The following PTPRN2 variants were observed in gnomAD, a reference collection of about 807,000 sequenced individuals.
The protein encoded by PTPRN2 is receptor-type tyrosine-protein phosphatase N2.
Under a neutral mutation model 118.8 loss-of-function variants are expected in PTPRN2, and 74 were observed. That is an observed-to-expected ratio of 0.62 (90% confidence interval 0.52 to 0.76). PTPRN2 has a LOEUF of 0.76. PTPRN2 is among the 30% of genes least tolerant of loss of function. The probability of loss-of-function intolerance (pLI) is 0.00; values close to 1 mark genes in which losing one functional copy is unlikely to be tolerated. For missense variants in PTPRN2, 1,481 were observed against 1,394.4 expected (o/e 1.06, Z -0.99); for synonymous variants, 641 against 608.0 (o/e 1.05, Z -0.80).
chr7:157,910,365 G>A (rs564563674), intron 11 of PTPRN2, among the ~76,000 whole-genome samples: 3 of 148,500 alleles, frequency 2.0e-5, no homozygotes, highest in South Asian at 4.4e-4. Flanking sequence ...GATCAGGCAC[G>A]TACGCCGGAT....
chr7:157,882,044 C>T (rs1221017036), intron 12 of PTPRN2, among the ~76,000 whole-genome samples: 1 of 146,294 alleles, frequency 6.8e-6, no homozygotes, highest in African/African-American at 2.5e-5. Flanking sequence ...CATACATCAG[C>T]ACATGCCACC....
rs1175867917 is a variant in PTPRN2 at position 157,619,885 on chromosome 7, T to C, written c.2344+1477A>G. Among the ~76,000 whole-genome samples the C allele has an allele frequency of 2.0e-5, 3 of 152,172 alleles. No individual in the cohort carries two copies. Among genetic ancestry groups the C allele is most frequent in the Non-Finnish European group, 2.9e-5 (2 of 68,018 alleles). On this transcript the variant is annotated intron_variant, in intron 15 of 22. Transcript: ENST00000389418. This position sits in a 1 kb window ranked among gnomAD's most constrained non-coding sequence, Gnocchi z 5.3. ...TCTCAGGGACACCAGTCTGATCCCTTGACCGGCTCCGAAGGGTTGAGGCAG... is the reference window on the plus strand; with the variant it reads ...TCTCAGGGACACCAGTCTGATCCCTCGACCGGCTCCGAAGGGTTGAGGCAG...
chr7:157,603,515 G>A lies in PTPRN2; in HGVS notation c.2418+487C>T, dbSNP rs73744808. The stretch of plus-strand genomic sequence containing the variant: ...CCAGGGGGAGGAACAGCCAGCAAAC[G>A]GTCTCTTTCATAAGAAACAGGGTCC... On this transcript the variant is annotated intron_variant, in intron 16 of 22. Transcript: ENST00000389418. The surrounding 1 kb of genome is among the most constrained non-coding windows in gnomAD (Gnocchi z 5.4). Among the ~76,000 whole-genome samples the A allele has an allele frequency of 5.1e-4, 78 of 152,248 alleles. No individual in the cohort carries two copies. The highest frequency in any genetic ancestry group is 1.8e-3 in the African/African-American group (74 of 41,558).
chr7:158,068,673 C>A (rs554982534), intron 11 of PTPRN2, among the ~76,000 whole-genome samples: 1 of 152,208 alleles, frequency 6.6e-6, no homozygotes, highest in Non-Finnish European at 1.5e-5. Context: ...TCTCTCTAAG[C>A]AGGAAGCACC....
At chr7:158,320,617 T>A (rs930850271) in intron 2 of PTPRN2, among the ~76,000 whole-genome samples, 6 of 152,236 alleles carry the variant, frequency 3.9e-5, no homozygotes, top group African/African-American at 1.4e-4. Flanking sequence ...GAGGCGTCCA[T>A]GTTCCAGCGT....
chr7:157,984,827 C>T (rs756776656), intron 11 of PTPRN2, among the ~76,000 whole-genome samples: 1 of 152,198 alleles, frequency 6.6e-6, no homozygotes, highest in Non-Finnish European at 1.5e-5. Flanking sequence ...GAGCCCAATA[C>T]TCACGTCTGC....
intron 2 of PTPRN2, among the ~76,000 whole-genome samples, chr7:158,486,786 A>G (rs181136695): frequency 6.6e-6 from 1 of 152,342 alleles, no homozygotes; most frequent in African/African-American, 2.4e-5. Flanking sequence ...TATACGTCAC[A>G]TTAAAATTTA....
chr7:158,020,792 G>A (rs561798801), intron 11 of PTPRN2, among the ~76,000 whole-genome samples: 90 of 152,156 alleles, frequency 5.9e-4, no homozygotes, highest in Non-Finnish European at 1.2e-3. Flanking sequence ...CACAGGAGTT[G>A]TGTTTTGCTG....
intron 3 of PTPRN2, among the ~76,000 whole-genome samples, chr7:158,279,502 A>C (rs903613182): frequency 6.6e-6 from 1 of 152,152 alleles, no homozygotes; most frequent in African/African-American, 2.4e-5. Flanking sequence ...AGAGAAAAAG[A>C]GGGGAAGCGA....
chr7:157,763,412 G>A lies in PTPRN2; in HGVS notation c.1789-80475C>T, dbSNP rs535080384. Among the ~76,000 whole-genome samples the A allele has an allele frequency of 5.5e-4, 84 of 152,204 alleles. No homozygotes were observed. The highest frequency in any genetic ancestry group is 2.0e-3 in the African/African-American group (83 of 41,552). ...TCACTGTGGCCATGGGGCGGCCTTC[G>A]CTCTGAGGCACAGGTTGGCGGTGGC... is the stretch of plus-strand genomic sequence containing the variant. On this transcript the variant is annotated intron_variant, in intron 12 of 22. Transcript: ENST00000389418. The surrounding 1 kb of genome is among the most constrained non-coding windows in gnomAD (Gnocchi z 4.9).
intron 12 of PTPRN2, among the ~76,000 whole-genome samples, chr7:157,830,573 C>T (rs1245585832): frequency 6.6e-6 from 1 of 152,124 alleles, no homozygotes; most frequent in Non-Finnish European, 1.5e-5. Context: ...AGGGGCTGAC[C>T]GTGCACCCAC....
In PTPRN2 at chr7:157,671,553, A is replaced by T. The variant is rs1345381218; in HGVS notation, c.2001+11172T>A. Among the ~76,000 whole-genome samples, 1 of 152,068 alleles carries T rather than the reference A, an allele frequency of 6.6e-6. No individual in the cohort carries two copies. Among genetic ancestry groups the T allele is most frequent in the African/African-American group, 2.4e-5 (1 of 41,410 alleles). ...GGCGGTGCAACGGAGGGAGCCGGGC[A>T]AACAAAGGCTCAGAAGCAGAGGAGC... On this transcript the variant is annotated intron_variant, in intron 13 of 22. Transcript: ENST00000389418. The surrounding 1 kb of genome is among the most constrained non-coding windows in gnomAD (Gnocchi z 4.1).
intron 2 of PTPRN2, among the ~76,000 whole-genome samples, chr7:158,467,319 A>G (rs1819468377): frequency 1.3e-5 from 2 of 151,672 alleles, no homozygotes; most frequent in African/African-American, 4.9e-5. Flanking sequence ...TTGTTTTGCT[A>G]TTGAGTTGAG....
intron 3 of PTPRN2, among the ~76,000 whole-genome samples, chr7:158,297,970 A>G (rs1800615580): frequency 6.6e-6 from 1 of 152,230 alleles, no homozygotes; most frequent in South Asian, 2.1e-4. Context: ...CACTTTTATC[A>G]ACTTACAGGT....
chr7:157,648,817 G>T (rs1170822901), intron 14 of PTPRN2, among the ~76,000 whole-genome samples: 1 of 138,716 alleles, frequency 7.2e-6, no homozygotes, highest in Non-Finnish European at 1.5e-5. Flanking sequence ...CCCATCCAGC[G>T]TGCACTGAAC....
intron 12 of PTPRN2, among the ~76,000 whole-genome samples, chr7:157,789,672 GTGCA>G (rs1804307060): frequency 5.1e-5 from 2 of 39,226 alleles, no homozygotes; most frequent in Admixed American, 2.3e-4. Flanking sequence ...TGTGGTATGT[GTGCA>G]TGTATGTGTG....
Position 158,563,826 on chromosome 7 carries a change from T to A in PTPRN2, c.112+23732A>T, listed in dbSNP as rs527260213. On this transcript the variant is annotated intron_variant, in intron 1 of 22. Transcript: ENST00000389418. This position sits in a 1 kb window ranked among gnomAD's most constrained non-coding sequence, Gnocchi z 5.1. ...GATTAGATGCCTATTTTTTAGGGAA[T>A]GGTCTTTTCTGTTTATAGGATCTAT... 6.6e-6 allele frequency among the ~76,000 whole-genome samples: 1 copy of A among 152,254 alleles called. No homozygotes were observed.
intron 11 of PTPRN2, among the ~76,000 whole-genome samples, chr7:157,995,640 C>T (rs1370149217): frequency 6.6e-6 from 1 of 152,258 alleles, no homozygotes; most frequent in Admixed American, 6.5e-5. Context: ...TGGGTGTGGA[C>T]CAAGGGCTTG....
intron 2 of PTPRN2, among the ~76,000 whole-genome samples, chr7:158,387,580 T>TCTCTGGGTCC (rs1272056517): frequency 0.05 from 326 of 6,534 alleles, no homozygotes; most frequent in Non-Finnish European, 0.06. Flanking sequence ...TCAGCTCAGC[T>TCTCTGGGTCC]TGGCCCGGCC....
Sources: allele counts gnomAD v4.1 joint callset (sites outside exome capture counted in the v4.1 genomes callset), GRCh38; gene constraint gnomAD v4.1.1; non-coding constraint Gnocchi (gnomAD v3.1); transcripts MANE v1.5; gene names NCBI Gene and HGNC (gene_info 2026-07-23, HGNC 2026-07-21).